PLD3: variants seen among roughly 807,000 people sequenced by gnomAD.
The protein encoded by PLD3 is 5'-3' exonuclease PLD3.
Under a neutral mutation model 58.4 loss-of-function variants are expected in PLD3, and 31 were observed. The observed-to-expected ratio is 0.53, with a 90% CI of 0.40 to 0.72. The LOEUF is 0.72. Ranked by LOEUF, PLD3 falls within the 30% of genes least tolerant of loss-of-function variation. The probability of loss-of-function intolerance (pLI) is 0.00; values close to 1 mark genes in which losing one functional copy is unlikely to be tolerated. For missense variants in PLD3, 595 were observed against 659.8 expected (o/e 0.90, Z 1.08); for synonymous variants, 264 against 273.4 (o/e 0.97, Z 0.34).
At chr19:40,374,391 A>C in intron 9 of PLD3, 90 bp from the exon 10 acceptor site, 1 of 1,387,964 alleles carries the variant, frequency 7.2e-7, no homozygotes, top group Non-Finnish European at 1.0e-6. Flanking sequence ...GATCCACAGT[A>C]CCTGGCTTGT....
chr19:40,374,891 C>T (rs780322878), intron 10 of PLD3: 2 of 458,916 alleles, frequency 4.4e-6, no homozygotes, highest in East Asian at 8.5e-5. Context: ...CGTGGTGGCT[C>T]ACGCCTGTAA....
chr19:40,353,074 G>A (rs2078558438), intron 1 of PLD3, among the ~76,000 whole-genome samples: 1 of 152,194 alleles, frequency 6.6e-6, no homozygotes, highest in Non-Finnish European at 1.5e-5. Context: ...CTGATGTGAT[G>A]AAGGGAGATT....
intron 10 of PLD3, 161 bp downstream of exon 10, chr19:40,374,781 C>T: frequency 2.9e-6 from 2 of 694,512 alleles, no homozygotes; most frequent in Non-Finnish European, 4.9e-6. Flanking sequence ...AAGAAGGTAT[C>T]TAGGCACTTG....
chr19:40,361,626 C>T (rs2078786624), intron 1 of PLD3, among the ~76,000 whole-genome samples: 1 of 152,098 alleles, frequency 6.6e-6, no homozygotes, highest in African/African-American at 2.4e-5. Context: ...AGGCACATTC[C>T]TCCCTCAGGG....
chr19:40,353,722 G>C (rs1027574333), intron 1 of PLD3, among the ~76,000 whole-genome samples: 1 of 151,148 alleles, frequency 6.6e-6, no homozygotes, highest in African/African-American at 2.4e-5. Flanking sequence ...GGGACTACAG[G>C]TACCCGCCAC....
intron 8 of PLD3, 38 bp from the exon 9 acceptor site, chr19:40,371,635 A>C: frequency 2.1e-6 from 3 of 1,451,872 alleles, no homozygotes; most frequent in Non-Finnish European, 2.9e-6. Flanking sequence ...TGTGAGCACT[A>C]GGCCGCTATC....
At position 40,366,862 on chromosome 19, in the gene PLD3, C is replaced by T. The variant is rs753009473; in HGVS notation, c.192C>T (p.Asp64=). 1.2e-5 allele frequency: 19 copies of T among 1,614,004 alleles called. No individual in the cohort carries two copies. The highest frequency in any genetic ancestry group is 1.6e-5 in the Non-Finnish European group (19 of 1,179,950). The change falls in exon 5 of 13, where the codon GAC becomes GAT. Residue 64 remains aspartate (D), a synonymous_variant. Coordinates refer to ENST00000409735, the MANE Select transcript of PLD3 (RefSeq NM_012268.4). ...MTQLFLWEYG[D]LHLFGPNQRP... The stretch of plus-strand genomic sequence containing the variant: ...AGCTGTTTCTATGGGAATACGGCGA[C>T]TTGCATCTCTTTGGGCCCAACCAGC...
intron 1 of PLD3, among the ~76,000 whole-genome samples, chr19:40,363,675 C>T (rs2078842853): frequency 6.6e-6 from 1 of 152,300 alleles, no homozygotes; most frequent in African/African-American, 2.4e-5. Context: ...AGGTGATCCA[C>T]CCACCTCGGC....
chr19:40,366,694 C>T lies in PLD3; in HGVS notation c.102+10C>T. On this transcript the variant is annotated intron_variant, in intron 4 of 12. Transcript: ENST00000409735. ...GAAGGCTGCGGAAAAGGTAGGAGCC[C>T]TCCGCCACCCTCGCTCTGTCTCAGA... 1.2e-6 allele frequency: 2 copies of T among 1,611,470 alleles called. No individual in the cohort carries two copies.
intron 1 of PLD3, among the ~76,000 whole-genome samples, chr19:40,352,288 T>C (rs552701760): frequency 6.6e-6 from 1 of 151,808 alleles, no homozygotes; most frequent in African/African-American, 2.4e-5. Flanking sequence ...AATAAATAAA[T>C]AGTCATAAAA....
intron 1 of PLD3, among the ~76,000 whole-genome samples, chr19:40,362,149 T>C (rs574217421): frequency 3.9e-5 from 6 of 152,308 alleles, no homozygotes; most frequent in African/African-American, 1.4e-4. Context: ...TGTTTTTCCC[T>C]CGTGTCTATT....
In PLD3 at chr19:40,377,865, C is replaced by T. The variant is rs1348996143; in HGVS notation, c.1265C>T (p.Thr422Ile). The change falls in exon 12 of 13, where the codon ACT (threonine) becomes ATT (isoleucine). Residue 422 changes from threonine to isoleucine, a missense_variant. Coordinates refer to ENST00000409735, the MANE Select transcript of PLD3 (RefSeq NM_012268.4). ...GTCAACCACAACAAGTACATGGTGA[C>T]TGAACGCGCCACCTACATCGGTGAG... ...ARVNHNKYMV[T>I]ERATYIGTSN... 6.2e-7 allele frequency: 1 copy of T among 1,613,974 alleles called. No individual in the cohort carries two copies.
chr19:40,352,930 T>A (rs982099254), intron 1 of PLD3, among the ~76,000 whole-genome samples: 24 of 152,098 alleles, frequency 1.6e-4, no homozygotes, highest in African/African-American at 5.8e-4. Flanking sequence ...ACCACTGCAT[T>A]CCAGCCTGGG....
chr19:40,377,361 G>T (rs910414889), intron 11 of PLD3, among the ~76,000 whole-genome samples: 1 of 132,052 alleles, frequency 7.6e-6, no homozygotes, highest in Non-Finnish European at 1.6e-5. Context: ...GGGCTGGGAT[G>T]GGGGGGCACA....
At chr19:40,366,236 GT>G (rs1360654030) in intron 2 of PLD3, 182 bp from the exon 3 acceptor site, 13 of 589,274 alleles carry the variant, frequency 2.2e-5, no homozygotes, top group Non-Finnish European at 3.9e-5. Flanking sequence ...GCAGCAGAGC[GT>G]TGGATTTTGA....
rs1010460104 is a variant in PLD3 at position 40,363,810 on chromosome 19, C to T, written c.-278-1908C>T. 2.6e-5 allele frequency among the ~76,000 whole-genome samples: 4 copies of T among 152,134 alleles called. No homozygotes were observed. The East Asian group carries it at 7.7e-4, about 29-fold the overall frequency. On this transcript the variant is annotated intron_variant, in intron 1 of 12. Coordinates refer to ENST00000409735, the MANE Select transcript of PLD3 (RefSeq NM_012268.4). ...TCTAGCATGTTCTACCCTCGCCAGTCTGGGATCTGACATTGGTAGGGAGGA... is the reference window on the plus strand; with the variant it reads ...TCTAGCATGTTCTACCCTCGCCAGTTTGGGATCTGACATTGGTAGGGAGGA...
At chr19:40,376,876 G>A (rs1035946485) in intron 11 of PLD3, 102 bp downstream of exon 11, 1 of 1,140,844 alleles carries the variant, frequency 8.8e-7, no homozygotes, top group Non-Finnish European at 1.2e-6. Context: ...AGCCCAGAGT[G>A]AGCCCTGTCA....
At chr19:40,377,088 G>T (rs1272303125) in intron 11 of PLD3, among the ~76,000 whole-genome samples, 3 of 146,422 alleles carry the variant, frequency 2.0e-5, no homozygotes, top group Non-Finnish European at 4.5e-5. Context: ...GGGCTGGGAT[G>T]GGGAGGCACA....
chr19:40,364,295 A>G (rs1298128354), intron 1 of PLD3, among the ~76,000 whole-genome samples: 1 of 151,912 alleles, frequency 6.6e-6, no homozygotes, highest in African/African-American at 2.4e-5. Context: ...CGGAGGTTGC[A>G]GTGAACCAAG....
Sources: gnomAD v4.1 joint callset for allele counts (sites outside exome capture counted in the v4.1 genomes callset) on GRCh38, gnomAD v4.1.1 for gene constraint, MANE v1.5 for transcripts, NCBI Gene and HGNC (gene_info 2026-07-23, HGNC 2026-07-21) for gene names.